POFUT4: variants seen among roughly 807,000 people sequenced by gnomAD.
The protein encoded by POFUT4 is GDP-fucose protein O-fucosyltransferase 4.
chr10:73,779,611 A>C, the POFUT4 span: 7 of 152,212 alleles, frequency 4.6e-5, no homozygotes. Context: ...AGGCACTGAC[A>C]AAAGAGGTCA....
chr10:73,774,942 A>C, the POFUT4 span: 1 of 171,584 alleles, frequency 5.8e-6, no homozygotes, highest in African/African-American at 2.4e-5. Context: ...ATGGCAGCAG[A>C]AGGCCATTTA....
the POFUT4 span, chr10:73,775,521 C>G: frequency 2.5e-6 from 4 of 1,614,230 alleles, no homozygotes; most frequent in Admixed American, 5.0e-5. Context: ...CATAATCCAA[C>G]CCCCATTTTG....
chr10:73,773,438 C>T, the POFUT4 span: 5 of 1,614,226 alleles, frequency 3.1e-6, no homozygotes, highest in South Asian at 1.1e-5. Flanking sequence ...CGAACAATCA[C>T]TCCGTCATCC....
chr10:73,773,802 C>T, the POFUT4 span: 2 of 1,576,814 alleles, frequency 1.3e-6, no homozygotes, highest in Non-Finnish European at 1.7e-6. Flanking sequence ...GGAAGAGATT[C>T]CTGAGAATGA....
chr10:73,773,393 G>C, the POFUT4 span: 2 of 1,614,244 alleles, frequency 1.2e-6, no homozygotes. Context: ...CTGTGCCCGT[G>C]TACCGCGGTT....
the POFUT4 span, chr10:73,773,671 C>G: frequency 1.2e-6 from 2 of 1,614,260 alleles, no homozygotes; most frequent in Non-Finnish European, 1.7e-6. Context: ...TACGAACTGG[C>G]TCGGCTGGAT....
chr10:73,772,713 TC>T, the POFUT4 span: 1 of 1,585,230 alleles, frequency 6.3e-7, no homozygotes, highest in Non-Finnish European at 8.6e-7. Context: ...GGCACAGACT[TC>T]CGCGCGTCGG....
the POFUT4 span, chr10:73,772,762 G>GCTCCTCCACGAGGAGTCGCCC: frequency 1.2e-6 from 2 of 1,606,602 alleles, no homozygotes; most frequent in African/African-American, 2.7e-5. Context: ...AGAGCTGGGC[G>GCTCCTCCACGAGGAGTCGCCC]CTCCTCCACG....
At chr10:73,775,476 G>A in the POFUT4 span, 12 of 1,614,028 alleles carry the variant, frequency 7.4e-6, no homozygotes, top group South Asian at 5.5e-5. Context: ...GGCCCCACTC[G>A]GAAAAAGGCA....
At chr10:73,772,443 A>T in the POFUT4 span, 18 of 1,563,644 alleles carry the variant, frequency 1.2e-5, no homozygotes, top group East Asian at 2.4e-5. Context: ...GGGGAGGCGG[A>T]GTGGGCGGAA....
chr10:73,772,990 C>A, the POFUT4 span: 1 of 1,596,464 alleles, frequency 6.3e-7, no homozygotes, highest in South Asian at 1.1e-5. Context: ...CACACTGCGA[C>A]GTGCCAGCGG....
the POFUT4 span, chr10:73,773,258 G>A: frequency 1.2e-6 from 2 of 1,613,932 alleles, no homozygotes; most frequent in East Asian, 2.2e-5. Context: ...ACACAGCCAC[G>A]GCCACCACCG....
the POFUT4 span, chr10:73,775,809 C>T: frequency 9.8e-7 from 1 of 1,016,138 alleles, no homozygotes. Context: ...CAAGGAATTC[C>T]AGTTTTATCT....
the POFUT4 span, chr10:73,775,585 A>G: frequency 6.2e-7 from 1 of 1,614,228 alleles, no homozygotes; most frequent in Non-Finnish European, 8.5e-7. Flanking sequence ...GGTCTGGACC[A>G]GGGGGAAGCT....
chr10:73,772,928 G>A, the POFUT4 span: 1 of 1,609,720 alleles, frequency 6.2e-7, no homozygotes, highest in Non-Finnish European at 8.5e-7. Flanking sequence ...TCCGCCCATG[G>A]AACGCGCGGA....
chr10:73,775,930 A>C, the POFUT4 span: 1 of 492,830 alleles, frequency 2.0e-6, no homozygotes, highest in Non-Finnish European at 3.6e-6. Context: ...ACCCTAAAAC[A>C]TCCATTTGAT....
At chr10:73,773,450 G>C in the POFUT4 span, 9 of 1,614,246 alleles carry the variant, frequency 5.6e-6, no homozygotes, top group Non-Finnish European at 6.8e-6. Flanking sequence ...CCGTCATCCT[G>C]ATTGATGATT....
chr10:73,772,761 C>G, the POFUT4 span: 6 of 1,606,388 alleles, frequency 3.7e-6, no homozygotes, highest in South Asian at 6.6e-5. Context: ...CAGAGCTGGG[C>G]GCTCCTCCAC....
At chr10:73,772,715 C>G in the POFUT4 span, 1 of 1,585,920 alleles carries the variant, frequency 6.3e-7, no homozygotes. Context: ...CACAGACTTC[C>G]GCGCGTCGGC....
Sources: allele counts gnomAD v4.1 joint callset, GRCh38; gene constraint gnomAD v4.1.1; transcripts MANE v1.5; gene names NCBI Gene and HGNC (gene_info 2026-07-23, HGNC 2026-07-21).